The following NCOR2 variants were observed in gnomAD, a reference collection of about 807,000 sequenced individuals.
The protein encoded by NCOR2 is CTG repeat protein 26.
Under a neutral mutation model 262.9 loss-of-function variants are expected in NCOR2, and 81 were observed. The observed-to-expected ratio is 0.31, with a 90% CI of 0.26 to 0.37. The LOEUF (loss-of-function observed/expected upper bound fraction) is 0.37. Ranked by LOEUF, NCOR2 falls within the 10% of genes least tolerant of loss-of-function variation. The pLI is 1.00. For synonymous variants in NCOR2, 1,659 were observed against 1,559.3 expected (o/e 1.06, Z -1.51); for missense variants, 3,385 against 3,621.4 (o/e 0.93, Z 1.68).
intron 18 of NCOR2, among the ~76,000 whole-genome samples, chr12:124,375,729 C>T (rs1565888353): frequency 6.6e-6 from 1 of 152,206 alleles, no homozygotes; most frequent in Non-Finnish European, 1.5e-5. Flanking sequence ...CCTCAGTCTC[C>T]CCATCTGTCA....
chr12:124,372,607 G>A, exon 20 of NCOR2: 2 of 1,596,962 alleles, frequency 1.3e-6, no homozygotes, highest in Middle Eastern at 1.7e-4. Flanking sequence ...GTTGTTGACA[G>A]TGGCTGTGCA....
At chr12:124,544,641 C>CG (rs986894791) in intron 1 of NCOR2, among the ~76,000 whole-genome samples, 1 of 152,176 alleles carries the variant, frequency 6.6e-6, no homozygotes, top group African/African-American at 2.4e-5. Context: ...CACACCCGCC[C>CG]GGGCCCAGGG....
intron 1 of NCOR2, among the ~76,000 whole-genome samples, chr12:124,507,523 A>C (rs2049116121): frequency 6.6e-6 from 1 of 152,196 alleles, no homozygotes; most frequent in Admixed American, 6.5e-5. Flanking sequence ...CGAGTGCAGC[A>C]TGCGTCCAGG....
chr12:124,459,029 A>G (rs372618201), intron 5 of NCOR2, among the ~76,000 whole-genome samples: 1 of 152,288 alleles, frequency 6.6e-6, no homozygotes, highest in East Asian at 1.9e-4. Flanking sequence ...ATAAACCCAA[A>G]CAATGGCTGT....
intron 1 of NCOR2, among the ~76,000 whole-genome samples, chr12:124,521,670 T>C (rs554344207): frequency 6.6e-6 from 1 of 152,256 alleles, no homozygotes; most frequent in East Asian, 1.9e-4. Flanking sequence ...ATTTTTTGGA[T>C]AGAAGGGGTG....
rs550062963 is a variant in NCOR2, at chr12:124,358,309, G to A, written c.3101-1527C>T. ...TGTATGTGCACGTGCACGTGTATGT[G>A]CGTGTGTGTGAGTGCATGGATGTGT... On this transcript the variant is annotated intron_variant, in intron 22 of 46. Coordinates refer to ENST00000405201, the Ensembl canonical transcript of NCOR2. Among the ~76,000 whole-genome samples the A allele has an allele frequency of 1.5e-4, 22 of 146,668 alleles. 1 individual carries two copies. The highest frequency in any genetic ancestry group is 3.7e-3 in the Middle Eastern group (1 of 268).
Position 124,443,781 on chromosome 12 carries a change from G to A in NCOR2, c.816-5785C>T, listed in dbSNP as rs999234607. 2.0e-5 allele frequency among the ~76,000 whole-genome samples: 3 copies of A among 152,188 alleles called. No individual in the cohort carries two copies. Among genetic ancestry groups the A allele is most frequent in the Admixed American group, 2.0e-4 (3 of 15,288 alleles). ...CTCCCAAAGTGCTGGGATTACAGGT[G>A]TGAGCCACCGCACCCGGCTGGTGCT... On this transcript the variant is annotated intron_variant, in intron 7 of 46. Coordinates refer to ENST00000405201, the Ensembl canonical transcript of NCOR2. This position sits in a 1 kb window ranked among gnomAD's most constrained non-coding sequence, Gnocchi z 4.4.
chr12:124,387,065 G>A (rs551931277), intron 16 of NCOR2, among the ~76,000 whole-genome samples: 1 of 152,370 alleles, frequency 6.6e-6, no homozygotes, highest in Admixed American at 6.5e-5. Context: ...CACTTGTAAG[G>A]ACTTTAATGA....
rs960461817 is a variant in NCOR2 at position 124,378,750 on chromosome 12, T to C, written c.2020-366A>G. On this transcript the variant is annotated intron_variant, in intron 17 of 46. Coordinates refer to ENST00000405201, the Ensembl canonical transcript of NCOR2. This position sits in a 1 kb window ranked among gnomAD's most constrained non-coding sequence, Gnocchi z 4.2. ...GCTTCATCGGCACACGTGGAGTGAA[T>C]GAACACAGGAAGCTTTTCCTTGCTA... is the stretch of plus-strand genomic sequence containing the variant. Among the ~76,000 whole-genome samples, 9 of 152,156 alleles carry C rather than the reference T, an allele frequency of 5.9e-5. No individual in the cohort carries two copies. Among genetic ancestry groups the C allele is most frequent in the Admixed American group, 3.9e-4 (6 of 15,282 alleles).
At chr12:124,492,531 G>C (rs2048144634) in intron 1 of NCOR2, among the ~76,000 whole-genome samples, 1 of 152,130 alleles carries the variant, frequency 6.6e-6, no homozygotes, top group Non-Finnish European at 1.5e-5. Context: ...CCTGAATCTG[G>C]GAAGGTCACT....
At chr12:124,447,342 G>A (rs1253846872) in intron 7 of NCOR2, among the ~76,000 whole-genome samples, 1 of 152,258 alleles carries the variant, frequency 6.6e-6, no homozygotes, top group Non-Finnish European at 1.5e-5. Flanking sequence ...GGAAGATTAT[G>A]AGATGTCAAA....
intron 1 of NCOR2, among the ~76,000 whole-genome samples, chr12:124,500,914 CG>C (rs1304596843): frequency 6.6e-6 from 1 of 152,146 alleles, no homozygotes; most frequent in Admixed American, 6.5e-5. Context: ...GAAAGGCACG[CG>C]GGGCTCTGCG....
At chr12:124,491,337 T>C (rs2048072769) in intron 1 of NCOR2, among the ~76,000 whole-genome samples, 1 of 152,258 alleles carries the variant, frequency 6.6e-6, no homozygotes, top group Non-Finnish European at 1.5e-5. Context: ...ACTCTGCACC[T>C]ACCAACTAAT....
chr12:124,521,022 G>A (rs970514272), intron 1 of NCOR2, among the ~76,000 whole-genome samples: 5 of 152,218 alleles, frequency 3.3e-5, no homozygotes, highest in African/African-American at 1.2e-4. Flanking sequence ...CGAGGCATCA[G>A]AAGGCTCAGC....
At chr12:124,335,080 G>C in intron 40 of NCOR2, 55 bp downstream of exon 42, 3 of 1,611,336 alleles carry the variant, frequency 1.9e-6, no homozygotes, top group Non-Finnish European at 2.5e-6. Flanking sequence ...CCCTCTCCAG[G>C]CCTGGTGCCC....
Position 124,482,191 on chromosome 12 carries a change from T to C in NCOR2, c.411+1405A>G, listed in dbSNP as rs370025170. Among the ~76,000 whole-genome samples, 614 of 152,224 alleles carry C rather than the reference T, an allele frequency of 4.0e-3. 3 individuals are homozygous for C. Among genetic ancestry groups the C allele is most frequent in the African/African-American group, 0.014 (587 of 41,516 alleles). The stretch of plus-strand genomic sequence containing the variant: ...TGTGACAACTTGGTGAGGCGGGGAC[T>C]GCCCCAGTGGCAGGGAGGCCAAGCC... On this transcript the variant is annotated intron_variant, in intron 3 of 46. Transcript: ENST00000405201. The surrounding 1 kb of genome is among the most constrained non-coding windows in gnomAD (Gnocchi z 6.3).
At chr12:124,325,552 G>C in exon 47 of NCOR2, 1 of 1,325,564 alleles carries the variant, frequency 7.5e-7, no homozygotes, top group Non-Finnish European at 9.7e-7. Context: ...GCAGCCGCAT[G>C]ATCAGGGGGT....
Position 124,549,812 on chromosome 12 carries a change from G to A in NCOR2, c.-164-14201C>T, listed in dbSNP as rs950973470. On this transcript the variant is annotated intron_variant, in intron 1 of 32. Transcript: ENST00000458234. This position sits in a 1 kb window ranked among gnomAD's most constrained non-coding sequence, Gnocchi z 4.4. ...GAGAGGGCGGCAGGAACGGGGCCTT[G>A]AGTCACCACCCTATCCCACTGGGAA... Among the ~76,000 whole-genome samples the A allele has an allele frequency of 6.6e-6, 1 of 152,148 alleles. No individual in the cohort carries two copies. Among genetic ancestry groups the A allele is most frequent in the Non-Finnish European group, 1.5e-5 (1 of 68,018 alleles).
At chr12:124,372,331 G>T in exon 20 of NCOR2, 1 of 1,521,878 alleles carries the variant, frequency 6.6e-7, no homozygotes. Context: ...TGGGGGCGCT[G>T]CTGCGGTCTC....
Sources: gnomAD v4.1 joint callset for allele counts (sites outside exome capture counted in the v4.1 genomes callset) on GRCh38, gnomAD v4.1.1 for gene constraint, Gnocchi (gnomAD v3.1) non-coding constraint, MANE v1.5 for transcripts, NCBI Gene and HGNC (gene_info 2026-07-23, HGNC 2026-07-21) for gene names.